Variants in GRID1 observed in about 807,000 individuals in gnomAD.
The protein encoded by GRID1 is glutamate receptor ionotropic, delta-1.
A neutral mutation model predicts 98.0 loss-of-function variants in GRID1; 28 were observed. The observed-to-expected ratio is 0.29, with a 90% CI of 0.21 to 0.39. GRID1 has a LOEUF of 0.39. GRID1 is among the 10% of genes least tolerant of loss of function. The pLI is 1.00. For synonymous variants in GRID1, 553 were observed against 538.5 expected (o/e 1.03, Z -0.37); for missense variants, 1,111 against 1,340.5 (o/e 0.83, Z 2.67).
chr10:85,873,753 G>A (rs866555226), intron 5 of GRID1, among the ~76,000 whole-genome samples: 7 of 152,140 alleles, frequency 4.6e-5, no homozygotes, highest in African/African-American at 1.7e-4. Context: ...GTTCTAACAC[G>A]CTGTTTCTCA....
intron 12 of GRID1, among the ~76,000 whole-genome samples, chr10:85,667,305 T>TCACA (rs149877829): frequency 2.7e-5 from 4 of 146,338 alleles, no homozygotes; most frequent in African/African-American, 7.5e-5. Context: ...CTTTCTAAAA[T>TCACA]CACACACACA....
At chr10:86,182,672 A>G (rs1053207528) in intron 3 of GRID1, among the ~76,000 whole-genome samples, 3 of 152,236 alleles carry the variant, frequency 2.0e-5, no homozygotes, top group African/African-American at 7.2e-5. Context: ...TTTGTCATAC[A>G]TTTCAAGGAC....
chr10:85,640,409 A>G (rs1843101559), intron 13 of GRID1, among the ~76,000 whole-genome samples: 1 of 152,214 alleles, frequency 6.6e-6, no homozygotes, highest in South Asian at 2.1e-4. Flanking sequence ...GCTTTGCACT[A>G]CACAGGGCTA....
intron 12 of GRID1, among the ~76,000 whole-genome samples, chr10:85,668,993 C>T (rs1217535529): frequency 6.6e-6 from 1 of 152,224 alleles, no homozygotes; most frequent in African/African-American, 2.4e-5. Context: ...TGGACTTGCA[C>T]TGGCAAAGCC....
Position 85,902,819 on chromosome 10 carries a change from C to A in GRID1, c.780+13367G>T, listed in dbSNP as rs76935374. Among the ~76,000 whole-genome samples the A allele has an allele frequency of 4.3e-3, 653 of 152,296 alleles. 4 individuals are homozygous for A. The highest frequency in any genetic ancestry group is 0.015 in the African/African-American group (617 of 41,550). ...CGGCATTCCCCTTCTAGGTCACGCA[C>A]CCTCCTGGCAGCATCACCAGACATC... On this transcript the variant is annotated intron_variant, in intron 5 of 15. Transcript: ENST00000327946.
intron 2 of GRID1, among the ~76,000 whole-genome samples, chr10:86,321,249 C>T (rs962607286): frequency 3.3e-5 from 5 of 151,784 alleles, no homozygotes; most frequent in African/African-American, 1.2e-4. Flanking sequence ...AAATAATTAC[C>T]ATGGCATGGT....
At chr10:86,158,245 G>A (rs1845273148) in intron 3 of GRID1, among the ~76,000 whole-genome samples, 2 of 152,104 alleles carry the variant, frequency 1.3e-5, no homozygotes, top group African/African-American at 4.8e-5. Context: ...ATCAACTAAG[G>A]TGCCTCTCAC....
At chr10:85,778,124 C>A (rs1023101188) in intron 8 of GRID1, among the ~76,000 whole-genome samples, 1 of 152,042 alleles carries the variant, frequency 6.6e-6, no homozygotes, top group Non-Finnish European at 1.5e-5. Context: ...ACTACATGGA[C>A]GAGAAAAGGG....
intron 3 of GRID1, among the ~76,000 whole-genome samples, chr10:86,146,086 A>T (rs1845085854): frequency 6.6e-6 from 1 of 152,208 alleles, no homozygotes; most frequent in South Asian, 2.1e-4. Context: ...AGACATTTCA[A>T]ATTGCTTCCC....
chr10:85,787,167 T>C (rs1842437266), intron 8 of GRID1, among the ~76,000 whole-genome samples: 1 of 152,168 alleles, frequency 6.6e-6, no homozygotes, highest in African/African-American at 2.4e-5. Context: ...TTCCCATTCA[T>C]GCAGTGTGGT....
chr10:86,324,919 A>G (rs1848026089), intron 2 of GRID1, among the ~76,000 whole-genome samples: 1 of 152,182 alleles, frequency 6.6e-6, no homozygotes, highest in Non-Finnish European at 1.5e-5. Flanking sequence ...AACCAGAAAA[A>G]GGGGCTGTTT....
At chr10:86,039,938 G>A (rs1843322156) in intron 4 of GRID1, among the ~76,000 whole-genome samples, 1 of 152,146 alleles carries the variant, frequency 6.6e-6, no homozygotes, top group South Asian at 2.1e-4. Flanking sequence ...CACATGGAGT[G>A]GTAATTATCT....
chr10:86,297,923 C>A (rs967832020), intron 2 of GRID1, among the ~76,000 whole-genome samples: 1 of 152,200 alleles, frequency 6.6e-6, no homozygotes, highest in Non-Finnish European at 1.5e-5. Flanking sequence ...ATTGCCACAT[C>A]AAATGCTTGT....
chr10:85,810,705 T>C (rs984411251), intron 8 of GRID1, among the ~76,000 whole-genome samples: 34 of 152,040 alleles, frequency 2.2e-4, no homozygotes, highest in African/African-American at 8.0e-4. Context: ...TGCATCATCA[T>C]ATTCCCCATC....
chr10:86,334,992 T>C (rs1207142106), intron 2 of GRID1, among the ~76,000 whole-genome samples: 1 of 152,228 alleles, frequency 6.6e-6, no homozygotes, highest in Non-Finnish European at 1.5e-5. Context: ...TTTGCAGAGA[T>C]TTTGCTCAAC....
chr10:86,005,587 G>A (rs1361583494), intron 4 of GRID1, among the ~76,000 whole-genome samples: 1 of 152,196 alleles, frequency 6.6e-6, no homozygotes, highest in African/African-American at 2.4e-5. Flanking sequence ...TTAACCACCA[G>A]GATGAGATAA....
At chr10:85,624,533 G>A (rs1842889529) in intron 13 of GRID1, among the ~76,000 whole-genome samples, 1 of 152,208 alleles carries the variant, frequency 6.6e-6, no homozygotes, top group African/African-American at 2.4e-5. Flanking sequence ...TGGGACTCCA[G>A]CCCCCACGTT....
intron 3 of GRID1, among the ~76,000 whole-genome samples, chr10:86,178,051 A>G (rs938652897): frequency 9.9e-5 from 15 of 151,758 alleles, no homozygotes; most frequent in Non-Finnish European, 2.1e-4. Flanking sequence ...AGTGAGGAGG[A>G]CTCTGGCTTC....
At chr10:85,630,164 T>C (rs941243210) in intron 13 of GRID1, among the ~76,000 whole-genome samples, 1 of 152,200 alleles carries the variant, frequency 6.6e-6, no homozygotes, top group Non-Finnish European at 1.5e-5. Flanking sequence ...TAACTTCCTT[T>C]ATAGAGTCTT....
Sources: gnomAD v4.1 joint callset for allele counts (sites outside exome capture counted in the v4.1 genomes callset) on GRCh38, gnomAD v4.1.1 for gene constraint, MANE v1.5 for transcripts, NCBI Gene and HGNC (gene_info 2026-07-23, HGNC 2026-07-21) for gene names.